DLGAP4: variants seen among roughly 807,000 people sequenced by gnomAD.
DLGAP4 encodes DLG associated protein 4.
A neutral mutation model predicts 86.9 loss-of-function variants in DLGAP4; 18 were observed. The observed-to-expected ratio is 0.21, with a 90% CI of 0.14 to 0.31. The LOEUF (loss-of-function observed/expected upper bound fraction) is 0.31. DLGAP4 is among the 10% of genes least tolerant of loss of function. DLGAP4 has a pLI of 1.00. For synonymous variants in DLGAP4, 548 were observed against 574.3 expected (o/e 0.95, Z 0.65); for missense variants, 1,085 against 1,362.6 (o/e 0.80, Z 3.21).
intron 1 of DLGAP4, among the ~76,000 whole-genome samples, chr20:36,329,712 C>G (rs1555891326): frequency 6.6e-6 from 1 of 152,174 alleles, no homozygotes; most frequent in African/African-American, 2.4e-5. Context: ...GCCTGGCCAA[C>G]ATGGTGAAAC....
intron 2 of DLGAP4, among the ~76,000 whole-genome samples, chr20:36,423,380 C>T (rs1206364794): frequency 8.0e-6 from 1 of 125,768 alleles, no homozygotes; most frequent in African/African-American, 3.0e-5. Flanking sequence ...TCCTTGAACT[C>T]GGGGGGCAGA....
intron 3 of DLGAP4, among the ~76,000 whole-genome samples, chr20:36,434,641 A>G (rs1272949322): frequency 2.0e-5 from 3 of 152,162 alleles, no homozygotes; most frequent in Admixed American, 2.0e-4. Context: ...CAGTGGGGAT[A>G]GTGGGGCTGG....
chr20:36,470,626 A>G (rs1464115875), intron 7 of DLGAP4, among the ~76,000 whole-genome samples: 1 of 151,964 alleles, frequency 6.6e-6, no homozygotes, highest in Non-Finnish European at 1.5e-5. Flanking sequence ...CTACCCAGAC[A>G]CCTAATCACT....
intron 2 of DLGAP4, among the ~76,000 whole-genome samples, chr20:36,382,137 G>A (rs2031415818): frequency 6.6e-6 from 1 of 152,200 alleles, no homozygotes; most frequent in Admixed American, 6.5e-5. Context: ...GAAGCAGCCT[G>A]GAATTTGAGG....
Position 36,431,957 on chromosome 20 carries a change from C to G in DLGAP4, c.240C>G (p.Phe80Leu), listed in dbSNP as rs753759040. The change falls in exon 3 of 13, where the codon TTC (phenylalanine) becomes TTG (leucine). Residue 80 changes from phenylalanine (F) to leucine (L), a missense_variant. Transcript: ENST00000339266. This position sits in a 1 kb window ranked among gnomAD's most constrained non-coding sequence, Gnocchi z 5.1. ...CCCGCATCCACTACAACTCCCACTT[C>G]GAGGTGCCAGAGGAGAGCCCCTTCC... ...TFPRIHYNSH[F>L]EVPEESPFPS... 1.2e-6 allele frequency: 2 copies of G among 1,614,118 alleles called. No individual in the cohort carries two copies. The highest frequency in any genetic ancestry group is 1.7e-6 in the Non-Finnish European group (2 of 1,180,036).
At position 36,526,940 on chromosome 20, in the gene DLGAP4, C is replaced by T; in HGVS notation, c.2888C>T (p.Ala963Val). The T allele has an allele frequency of 1.2e-6, 2 of 1,613,708 alleles. No individual in the cohort carries two copies. Among genetic ancestry groups the T allele is most frequent in the Non-Finnish European group, 1.7e-6 (2 of 1,179,888 alleles). The change falls in exon 13 of 13, where the codon GCC becomes GTC. Residue 963 changes from alanine (A) to valine (V), a missense_variant. Around this residue, in one of 2 missense-constraint regions of DLGAP4, gnomAD observed 1,082 missense variants for 1,344.1 expected, o/e 0.81. Transcript: ENST00000339266. ...GAGGCCCGCAAGAGACTCCTGGCGG[C>T]CAAGCGGGCAGCTTCTGTGCGGCAG... ...RQEARKRLLA[A>V]KRAASVRQNS... is the part of the protein sequence containing the mutation.
At chr20:36,499,025 T>C in intron 8 of DLGAP4, 1 of 543,224 alleles carries the variant, frequency 1.8e-6, no homozygotes, top group Non-Finnish European at 3.3e-6. Context: ...TGGGTGGCAG[T>C]TTCTGAATCT....
At chr20:36,451,026 T>C (rs757506293) in intron 7 of DLGAP4, among the ~76,000 whole-genome samples, 2 of 152,210 alleles carry the variant, frequency 1.3e-5, no homozygotes, top group Non-Finnish European at 2.9e-5. Context: ...TTGGAGAATA[T>C]AGCCTTGGGG....
At chr20:36,495,420 T>A (rs2035847669) in intron 7 of DLGAP4, among the ~76,000 whole-genome samples, 1 of 152,208 alleles carries the variant, frequency 6.6e-6, no homozygotes, top group African/African-American at 2.4e-5. Context: ...TTTATCTGGC[T>A]CATGGGCCCA....
chr20:36,453,660 C>T (rs769553060), intron 7 of DLGAP4, among the ~76,000 whole-genome samples: 3 of 151,622 alleles, frequency 2.0e-5, no homozygotes, highest in South Asian at 4.2e-4. Context: ...AGGCTGGGCA[C>T]GGTGGGTCAC....
intron 7 of DLGAP4, among the ~76,000 whole-genome samples, chr20:36,467,059 TCTCTCC>T (rs1569509689): frequency 8.3e-5 from 5 of 59,960 alleles, no homozygotes; most frequent in South Asian, 4.7e-4. Flanking sequence ...TCTCTCTCTC[TCTCTCC>T]CCCCCCCTTC....
intron 1 of DLGAP4, among the ~76,000 whole-genome samples, chr20:36,339,096 T>C (rs372122375): frequency 2.0e-5 from 3 of 152,168 alleles, no homozygotes; most frequent in South Asian, 2.1e-4. Context: ...CTGGTGTGCA[T>C]TCATTTTTTT....
At chr20:36,482,777 TC>T (rs1207335630) in intron 7 of DLGAP4, among the ~76,000 whole-genome samples, 1 of 152,140 alleles carries the variant, frequency 6.6e-6, no homozygotes, top group Non-Finnish European at 1.5e-5. Flanking sequence ...GTTCAAGTGA[TC>T]CCCACACCTC....
At chr20:36,501,263 A>C (rs2036134072) in intron 10 of DLGAP4, among the ~76,000 whole-genome samples, 2 of 151,914 alleles carry the variant, frequency 1.3e-5, no homozygotes, top group Non-Finnish European at 2.9e-5. Context: ...ACGGGGTTTC[A>C]CCATGTTGGC....
intron 10 of DLGAP4, among the ~76,000 whole-genome samples, chr20:36,520,362 A>G (rs990369465): frequency 2.7e-5 from 4 of 150,888 alleles, no homozygotes; most frequent in South Asian, 2.1e-4. Flanking sequence ...CTTTTTTTCT[A>G]TGAGACAGAG....
At chr20:36,337,118 C>G (rs1239871035) in intron 1 of DLGAP4, among the ~76,000 whole-genome samples, 1 of 152,118 alleles carries the variant, frequency 6.6e-6, no homozygotes, top group Non-Finnish European at 1.5e-5. Flanking sequence ...ACTCATTCTG[C>G]GCATCAGAAA....
intron 1 of DLGAP4, among the ~76,000 whole-genome samples, chr20:36,329,274 T>G (rs1375775651): frequency 2.0e-5 from 3 of 152,330 alleles, no homozygotes; most frequent in Admixed American, 2.0e-4. Context: ...AAGAAAACAG[T>G]TCAGATTGTT....
intron 7 of DLGAP4, among the ~76,000 whole-genome samples, chr20:36,477,222 G>A (rs1413391495): frequency 5.3e-5 from 8 of 150,468 alleles, no homozygotes; most frequent in African/African-American, 1.7e-4. Context: ...CAGCCTCCCA[G>A]GTAGCTGGGA....
chr20:36,398,294 T>C (rs1000291008), intron 2 of DLGAP4, among the ~76,000 whole-genome samples: 1 of 152,176 alleles, frequency 6.6e-6, no homozygotes, highest in Non-Finnish European at 1.5e-5. Flanking sequence ...GAAGGCCTTC[T>C]GGAGGAGTTA....
Sources: allele counts gnomAD v4.1 joint callset (sites outside exome capture counted in the v4.1 genomes callset), GRCh38; gene constraint gnomAD v4.1.1; regional missense constraint gnomAD v4.1.1; non-coding constraint Gnocchi (gnomAD v3.1); transcripts MANE v1.5; gene names NCBI Gene and HGNC (gene_info 2026-07-23, HGNC 2026-07-21).